Variants in DGKB observed in about 807,000 individuals in gnomAD.
The protein encoded by DGKB is diacylglycerol kinase beta.
DGKB carries 67 observed loss-of-function variants against 114.3 expected under a neutral mutation model. That is an observed-to-expected ratio of 0.59 (90% confidence interval 0.48 to 0.72). The LOEUF (loss-of-function observed/expected upper bound fraction) is 0.72. Ranked by LOEUF, DGKB falls within the 30% of genes least tolerant of loss-of-function variation. The probability of loss-of-function intolerance (pLI) is 0.00; values close to 1 mark genes in which losing one functional copy is unlikely to be tolerated. For synonymous variants in DGKB, 398 were observed against 323.1 expected (o/e 1.23, Z -2.49); for missense variants, 907 against 975.2 (o/e 0.93, Z 0.93).
intron 20 of DGKB, among the ~76,000 whole-genome samples, chr7:14,560,878 T>C (rs760644434): frequency 2.0e-5 from 3 of 152,218 alleles, no homozygotes; most frequent in South Asian, 2.1e-4. Context: ...TTTCTGACAA[T>C]AGCCATTCTA....
At chr7:14,922,308 C>A (rs2128247488) in intron 1 of DGKB, among the ~76,000 whole-genome samples, 1 of 151,926 alleles carries the variant, frequency 6.6e-6, no homozygotes, top group South Asian at 2.1e-4. Context: ...CGTCTATACT[C>A]CCACTGTCTC....
chr7:14,578,163 T>C (rs2128718557), intron 19 of DGKB, among the ~76,000 whole-genome samples: 1 of 152,286 alleles, frequency 6.6e-6, no homozygotes, highest in African/African-American at 2.4e-5. Context: ...TTCTCTCACC[T>C]GCTGCCATGT....
chr7:14,775,139 C>T lies in DGKB; in HGVS notation c.71-17408G>A, dbSNP rs77472868. Among the ~76,000 whole-genome samples the T allele has an allele frequency of 6.1e-3, 921 of 151,734 alleles. 3 individuals carry two copies. Among genetic ancestry groups the T allele is most frequent in the African/African-American group, 0.021 (866 of 41,372 alleles). ...TTTAGAAAATTGGGATCCAAAATTA[C>T]GAAAATGGAATTAGGGATTACATGG... On this transcript the variant is annotated intron_variant, in intron 2 of 25. Transcript: ENST00000402815.
At chr7:14,972,673 A>G (rs1587484813) in intron 1 of DGKB, among the ~76,000 whole-genome samples, 2 of 30,206 alleles carry the variant, frequency 6.6e-5, no homozygotes, top group East Asian at 0.011. Context: ...AGATTGTTGA[A>G]AAAAAAAAAA....
chr7:14,213,131 TA>T (rs1788407349), intron 23 of DGKB, among the ~76,000 whole-genome samples: 1 of 152,108 alleles, frequency 6.6e-6, no homozygotes, highest in Non-Finnish European at 1.5e-5. Flanking sequence ...TAACACATTC[TA>T]AAATTTGATT....
intron 20 of DGKB, among the ~76,000 whole-genome samples, chr7:14,556,298 A>G (rs1262538426): frequency 6.6e-6 from 1 of 152,146 alleles, no homozygotes; most frequent in Non-Finnish European, 1.5e-5. Context: ...TGGTAATATT[A>G]AAAAGGAAAG....
chr7:14,521,889 C>G (rs1416735492), intron 20 of DGKB, among the ~76,000 whole-genome samples: 2 of 152,086 alleles, frequency 1.3e-5, no homozygotes, highest in Non-Finnish European at 2.9e-5. Context: ...TTTTTACTTT[C>G]TCTTCTTAAG....
At chr7:14,950,051 T>C (rs554927784) in intron 1 of DGKB, among the ~76,000 whole-genome samples, 4 of 151,920 alleles carry the variant, frequency 2.6e-5, no homozygotes, top group African/African-American at 9.7e-5. Context: ...CGTATACATA[T>C]GTAACAAACC....
chr7:14,718,593 C>T lies in DGKB; in HGVS notation c.415G>A (p.Val139Ile), dbSNP rs773242823. 1 of 1,612,998 alleles carries T rather than the reference C, an allele frequency of 6.2e-7. No individual in the cohort carries two copies. The highest frequency in any genetic ancestry group is 1.1e-5 in the South Asian group (1 of 90,986). ...SPEVIHLKDI[V>I]CYLSLLERGR... ...CTTTCAAGCAGAGACAGGTAACAGA[C>T]AATGTCCTTCAGATGGATTACTTCT... The change falls in exon 6 of 26, where the codon GTC (valine) becomes ATC (isoleucine). Residue 139 changes from valine to isoleucine, a missense_variant. Physicochemically the swap from Val to Ile is conservative, Grantham distance 29. Transcript: ENST00000402815.
At chr7:14,451,175 C>G (rs1211413814) in intron 21 of DGKB, among the ~76,000 whole-genome samples, 1 of 152,020 alleles carries the variant, frequency 6.6e-6, no homozygotes, top group African/African-American at 2.4e-5. Context: ...AAACATTACT[C>G]TGTGTGTGCC....
intron 21 of DGKB, among the ~76,000 whole-genome samples, chr7:14,447,750 A>G (rs545861397): frequency 4.6e-5 from 7 of 152,196 alleles, no homozygotes; most frequent in African/African-American, 1.7e-4. Flanking sequence ...TATCACAGCC[A>G]AGTTGTCACA....
chr7:14,632,401 T>C (rs547388112), intron 13 of DGKB, among the ~76,000 whole-genome samples: 188 of 151,448 alleles, frequency 1.2e-3, no homozygotes, highest in Non-Finnish European at 1.9e-3. Flanking sequence ...TATATATATA[T>C]ACACATACAT....
chr7:14,869,959 C>G (rs1282959146), intron 1 of DGKB, among the ~76,000 whole-genome samples: 1 of 152,074 alleles, frequency 6.6e-6, no homozygotes, highest in Non-Finnish European at 1.5e-5. Flanking sequence ...TACACTCTCT[C>G]CTGACTTCTC....
Position 14,473,134 on chromosome 7 carries a change from A to C in DGKB, c.1835+5027T>G, listed in dbSNP as rs190242118. Among the ~76,000 whole-genome samples the C allele has an allele frequency of 2.4e-3, 368 of 152,320 alleles. 1 individual carries two copies. Among genetic ancestry groups the C allele is most frequent in the African/African-American group, 8.3e-3 (346 of 41,592 alleles). ...TCCAGGGCATGTCAGAGACCTTTGCAGTAGGCCCTCCCATGATAGGCCCAG... is the reference window on the plus strand; with the variant it reads ...TCCAGGGCATGTCAGAGACCTTTGCCGTAGGCCCTCCCATGATAGGCCCAG... On this transcript the variant is annotated intron_variant, in intron 21 of 25. Coordinates refer to ENST00000402815, the MANE Select transcript of DGKB (RefSeq NM_001350709.2).
chr7:14,491,631 A>T (rs1005167511), intron 20 of DGKB, among the ~76,000 whole-genome samples: 2 of 152,242 alleles, frequency 1.3e-5, no homozygotes, highest in African/African-American at 4.8e-5. Flanking sequence ...TATTATTCAG[A>T]AATTTAGAGG....
In DGKB at chr7:14,411,457, T is replaced by A. The variant is rs1470872638; in HGVS notation, c.1836-66066A>T. 2.0e-5 allele frequency among the ~76,000 whole-genome samples: 3 copies of A among 152,180 alleles called. No homozygotes were observed. The East Asian group carries it at 5.8e-4, about 29-fold the overall frequency. On this transcript the variant is annotated intron_variant, in intron 21 of 25. Transcript: ENST00000402815. ...AAGAACTATAAATTAATATAAAATCTCTGGAGAATGTCTGACAACAAACAT... is the reference window on the plus strand; with the variant it reads ...AAGAACTATAAATTAATATAAAATCACTGGAGAATGTCTGACAACAAACAT...
At chr7:14,660,489 T>A (rs1262004204) in intron 13 of DGKB, among the ~76,000 whole-genome samples, 1 of 152,138 alleles carries the variant, frequency 6.6e-6, no homozygotes, top group Non-Finnish European at 1.5e-5. Context: ...TCTTCTAGAT[T>A]TTCTAGTTTA....
intron 2 of DGKB, among the ~76,000 whole-genome samples, chr7:14,832,347 C>A (rs1424082616): frequency 6.6e-6 from 1 of 151,952 alleles, no homozygotes; most frequent in Non-Finnish European, 1.5e-5. Flanking sequence ...TTCCACTTGT[C>A]CCCTGTGAAC....
intron 1 of DGKB, among the ~76,000 whole-genome samples, chr7:14,949,517 T>A (rs1041620829): frequency 3.3e-5 from 5 of 152,010 alleles, no homozygotes; most frequent in Middle Eastern, 3.4e-3. Flanking sequence ...AAATGTGGTA[T>A]CTCACTAAGG....
Sources: allele counts gnomAD v4.1 joint callset (sites outside exome capture counted in the v4.1 genomes callset), GRCh38; gene constraint gnomAD v4.1.1; transcripts MANE v1.5; gene names NCBI Gene and HGNC (gene_info 2026-07-23, HGNC 2026-07-21).